The following MNAT1 variants were observed in gnomAD, a reference collection of about 807,000 sequenced individuals.
The protein encoded by MNAT1 is MNAT1 component of CDK activating kinase.
MNAT1 carries 43 observed loss-of-function variants against 42.0 expected under a neutral mutation model. The ratio of observed to expected loss-of-function variants is 1.02; its 90% CI spans 0.80 to 1.32. The LOEUF (loss-of-function observed/expected upper bound fraction) is 1.32, where lower values mean the gene tolerates loss of function less well. Ranked by LOEUF, MNAT1 falls within the 40% of genes most tolerant of loss-of-function variation. The pLI is 0.00. For missense variants in MNAT1, 306 were observed against 350.4 expected, an observed-to-expected ratio of 0.87 and a Z score of 1.01; for synonymous variants, 118 against 120.0, an observed-to-expected ratio of 0.98 and a Z score of 0.11.
chr14:60,764,531 T>G (rs182489203), intron 1 of MNAT1, among the ~76,000 whole-genome samples: 1 of 152,302 alleles, frequency 6.6e-6, no homozygotes, highest in African/African-American at 2.4e-5. Context: ...AAGAAGACAT[T>G]AAAGCATTAG....
At chr14:60,957,447 C>T (rs1419069027) in intron 7 of MNAT1, among the ~76,000 whole-genome samples, 1 of 152,064 alleles carries the variant, frequency 6.6e-6, no homozygotes, top group African/African-American at 2.4e-5. Context: ...CAGGGGAACT[C>T]CCCTTTATAA....
chr14:60,884,248 A>G (rs1323116303), intron 7 of MNAT1, among the ~76,000 whole-genome samples: 1 of 152,082 alleles, frequency 6.6e-6, no homozygotes, highest in Non-Finnish European at 1.5e-5. Flanking sequence ...TTTTATACCC[A>G]GGTTTTTGAG....
intron 1 of MNAT1, among the ~76,000 whole-genome samples, chr14:60,785,363 A>G (rs1423950214): frequency 6.6e-6 from 1 of 152,236 alleles, no homozygotes; most frequent in African/African-American, 2.4e-5. Context: ...TTTTGAAACA[A>G]TCTGGGGAAC....
intron 7 of MNAT1, among the ~76,000 whole-genome samples, chr14:60,952,445 T>G (rs1198643615): frequency 2.0e-5 from 3 of 152,162 alleles, no homozygotes; most frequent in African/African-American, 7.2e-5. Flanking sequence ...ACTATTCACA[T>G]TAGTCTGTGA....
intron 7 of MNAT1, among the ~76,000 whole-genome samples, chr14:60,929,191 A>ATG (rs1340754612): frequency 2.1e-5 from 3 of 143,012 alleles, no homozygotes; most frequent in East Asian, 2.0e-4. Context: ...ATATATATAT[A>ATG]TATGTATATT....
intron 1 of MNAT1, among the ~76,000 whole-genome samples, chr14:60,752,978 T>C (rs145367295): frequency 0.046 from 7,032 of 152,278 alleles, 350 homozygotes; most frequent in African/African-American, 0.13. Flanking sequence ...TTGGCCAGGC[T>C]AGTCTTGAAC....
chr14:60,951,677 T>A lies in MNAT1; in HGVS notation c.810-16552T>A, dbSNP rs1423796353. ...TTAAATATACTTCTTTTAGAATTTC[T>A]TTCAGTTTATTATCTATGATTGTGG... On this transcript the variant is annotated intron_variant, in intron 7 of 7. Coordinates refer to ENST00000261245, the MANE Select transcript of MNAT1 (RefSeq NM_002431.4). 4.6e-5 allele frequency among the ~76,000 whole-genome samples: 7 copies of A among 152,182 alleles called. No individual in the cohort carries two copies. The East Asian group carries it at 1.3e-3, about 29-fold the overall frequency.
chr14:60,835,060 C>G (rs2033350660), intron 6 of MNAT1, among the ~76,000 whole-genome samples: 1 of 145,976 alleles, frequency 6.9e-6, no homozygotes. Context: ...ATATCAGAGT[C>G]TAAGATTTCA....
At chr14:60,927,673 C>T (rs970484523) in intron 7 of MNAT1, among the ~76,000 whole-genome samples, 1 of 152,134 alleles carries the variant, frequency 6.6e-6, no homozygotes, top group Non-Finnish European at 1.5e-5. Flanking sequence ...ACCACGTATT[C>T]TTCCCACCTT....
At chr14:60,779,197 G>A (rs921162372) in intron 1 of MNAT1, among the ~76,000 whole-genome samples, 4 of 152,196 alleles carry the variant, frequency 2.6e-5, no homozygotes, top group African/African-American at 9.7e-5. Context: ...GCATTCAGGG[G>A]ATCCGCTGAT....
chr14:60,818,623 A>ATTC (rs1422665854), intron 5 of MNAT1, 99 bp from the exon 6 acceptor site: 5 of 1,064,672 alleles, frequency 4.7e-6, no homozygotes, highest in Non-Finnish European at 6.4e-6. Context: ...TTAGTTTGAC[A>ATTC]TGAAATGCTT....
intron 1 of MNAT1, among the ~76,000 whole-genome samples, chr14:60,737,609 T>A (rs1896342369): frequency 6.6e-6 from 1 of 152,174 alleles, no homozygotes; most frequent in South Asian, 2.1e-4. Context: ...TACATATATG[T>A]CTTTGAGCAT....
At chr14:60,960,459 T>G (rs1383102291) in intron 7 of MNAT1, among the ~76,000 whole-genome samples, 1 of 152,206 alleles carries the variant, frequency 6.6e-6, no homozygotes, top group Admixed American at 6.5e-5. Context: ...TTCTGGTAAC[T>G]CCAAATTGGT....
At chr14:60,936,922 C>T (rs548246180) in intron 7 of MNAT1, among the ~76,000 whole-genome samples, 2 of 152,210 alleles carry the variant, frequency 1.3e-5, no homozygotes, top group East Asian at 3.9e-4. Context: ...ACCATTCTAA[C>T]TGGTGTGAGA....
At chr14:60,849,949 G>A (rs544595272) in intron 6 of MNAT1, among the ~76,000 whole-genome samples, 92 of 152,020 alleles carry the variant, frequency 6.1e-4, no homozygotes, top group African/African-American at 1.9e-3. Context: ...TGGTTCTCCC[G>A]CCTCAGCCTC....
rs566912769 is a variant in MNAT1 at position 60,780,197 on chromosome 14, G to T, written c.90-16020G>T. 8 of 1,486,448 alleles carry T rather than the reference G, an allele frequency of 5.4e-6. No homozygotes were observed. In the Admixed American group the frequency reaches 8.3e-5, roughly 16 times the overall value. 92.1% of individuals were successfully genotyped at this position (1,486,448 alleles called of 1,614,324 possible). A position where few individuals can be genotyped will look rare whatever the true frequency, so the allele number is the denominator to read the frequency against. ...AAATAATGTGGTGGAACAACTAAAA[G>T]ATTGGTTATACAAGTGTTCAGTTCA... On this transcript the variant is annotated intron_variant, in intron 1 of 7. Coordinates refer to ENST00000261245, the MANE Select transcript of MNAT1 (RefSeq NM_002431.4).
At chr14:60,851,650 G>A (rs1050465420) in intron 6 of MNAT1, among the ~76,000 whole-genome samples, 4 of 152,042 alleles carry the variant, frequency 2.6e-5, no homozygotes, top group Non-Finnish European at 5.9e-5. Context: ...AATCATCTAG[G>A]TTTTAAGCTC....
At chr14:60,915,874 AG>A (rs1445058072) in intron 7 of MNAT1, among the ~76,000 whole-genome samples, 1 of 152,248 alleles carries the variant, frequency 6.6e-6, no homozygotes, top group African/African-American at 2.4e-5. Context: ...AAGAAAGTAA[AG>A]GAGTCAGAAG....
At chr14:60,896,591 C>T (rs1049589189) in intron 7 of MNAT1, among the ~76,000 whole-genome samples, 10 of 152,100 alleles carry the variant, frequency 6.6e-5, no homozygotes, top group Admixed American at 3.9e-4. Flanking sequence ...GTTCACGCAA[C>T]TCTCCTGCTT....
Sources: allele counts gnomAD v4.1 joint callset (sites outside exome capture counted in the v4.1 genomes callset), GRCh38; gene constraint gnomAD v4.1.1; transcripts MANE v1.5; gene names NCBI Gene and HGNC (gene_info 2026-07-23, HGNC 2026-07-21).